Variants in FSTL5 observed in about 807,000 individuals in gnomAD.
FSTL5 encodes the protein follistatin-related protein 5.
Under a neutral mutation model 89.1 loss-of-function variants are expected in FSTL5, and 62 were observed. That is an observed-to-expected ratio of 0.70 (90% CI 0.57 to 0.86). The LOEUF (loss-of-function observed/expected upper bound fraction) is 0.86, where lower values mean the gene tolerates loss of function less well. FSTL5 is among the 40% of genes least tolerant of loss of function. The pLI is 0.00. For synonymous variants in FSTL5, 383 were observed against 346.2 expected (o/e 1.11, Z -1.18); for missense variants, 1,057 against 1,001.6 (o/e 1.06, Z -0.75).
At chr4:161,977,164 T>C (rs1735673640) in intron 3 of FSTL5, among the ~76,000 whole-genome samples, 1 of 152,218 alleles carries the variant, frequency 6.6e-6, no homozygotes, top group African/African-American at 2.4e-5. Context: ...CAAAATGTTA[T>C]AATTGCTGCA....
intron 1 of FSTL5, among the ~76,000 whole-genome samples, chr4:162,145,459 A>G (rs2111495457): frequency 6.6e-6 from 1 of 152,222 alleles, no homozygotes; most frequent in South Asian, 2.1e-4. Flanking sequence ...TCAGGGACCT[A>G]AAAGTGTATT....
intron 6 of FSTL5, among the ~76,000 whole-genome samples, chr4:161,744,227 C>T (rs1037236241): frequency 1.3e-5 from 2 of 152,008 alleles, no homozygotes; most frequent in Non-Finnish European, 2.9e-5. Context: ...GTAACATTCT[C>T]TGAGGCTCCC....
At chr4:161,605,426 TA>T (rs537359886) in intron 7 of FSTL5, among the ~76,000 whole-genome samples, 1 of 152,100 alleles carries the variant, frequency 6.6e-6, no homozygotes, top group Non-Finnish European at 1.5e-5. Flanking sequence ...ACATGTTTGT[TA>T]AAAAAAATTG....
At chr4:162,074,010 A>T (rs1402439454) in intron 2 of FSTL5, among the ~76,000 whole-genome samples, 1 of 151,796 alleles carries the variant, frequency 6.6e-6, no homozygotes, top group African/African-American at 2.4e-5. Context: ...TCCACTGTTC[A>T]TAAAAACTCT....
chr4:161,524,784 C>T (rs1156282996), intron 10 of FSTL5, among the ~76,000 whole-genome samples: 1 of 151,954 alleles, frequency 6.6e-6, no homozygotes, highest in Non-Finnish European at 1.5e-5. Flanking sequence ...ATGGTGAAAC[C>T]TTGTCTCTAC....
At chr4:161,505,182 A>G (rs965206221) in intron 11 of FSTL5, among the ~76,000 whole-genome samples, 1 of 152,186 alleles carries the variant, frequency 6.6e-6, no homozygotes, top group Non-Finnish European at 1.5e-5. Context: ...ATAAAGAATA[A>G]TATAGGCAAG....
At chr4:162,013,163 C>A (rs966614980) in intron 3 of FSTL5, among the ~76,000 whole-genome samples, 1 of 150,630 alleles carries the variant, frequency 6.6e-6, no homozygotes, top group African/African-American at 2.5e-5. Context: ...CCAGCCTGGG[C>A]GACACTGAAA....
chr4:161,565,436 C>T (rs1732763294), intron 8 of FSTL5, among the ~76,000 whole-genome samples: 1 of 151,488 alleles, frequency 6.6e-6, no homozygotes, highest in Non-Finnish European at 1.5e-5. Context: ...GGAAAAAATG[C>T]TAGTTGCATT....
At chr4:161,897,455 G>C (rs1259235452) in intron 4 of FSTL5, among the ~76,000 whole-genome samples, 1 of 150,972 alleles carries the variant, frequency 6.6e-6, no homozygotes, top group Non-Finnish European at 1.5e-5. Context: ...AGAAAAATAT[G>C]AGCAGATCAC....
intron 13 of FSTL5, among the ~76,000 whole-genome samples, chr4:161,467,739 T>C (rs533162865): frequency 6.6e-6 from 1 of 152,130 alleles, no homozygotes; most frequent in Non-Finnish European, 1.5e-5. Context: ...AAGGGTGTGT[T>C]ATTTCACCCA....
At chr4:161,732,391 A>G (rs1728060379) in intron 6 of FSTL5, among the ~76,000 whole-genome samples, 1 of 151,966 alleles carries the variant, frequency 6.6e-6, no homozygotes, top group African/African-American at 2.4e-5. Context: ...TCTTTTTTAA[A>G]TGAAGTATTT....
In FSTL5 at chr4:161,674,322, A is replaced by AG. The variant is rs200034336; in HGVS notation, c.728-17829dup. Among the ~76,000 whole-genome samples, 904 of 152,130 alleles carry AG rather than the reference A, an allele frequency of 5.9e-3. 8 individuals carry two copies. Among genetic ancestry groups the AG allele is most frequent in the South Asian group, 0.045 (217 of 4,822 alleles). On this transcript the variant is annotated intron_variant, in intron 6 of 15. Transcript: ENST00000306100. ...GCCTAAATGGGAAAGAATAGAAATGAGGGGGAAAAAAAGGGAAGATTTGAT... is the reference window on the plus strand; with the variant it reads ...GCCTAAATGGGAAAGAATAGAAATGAGGGGGGAAAAAAAGGGAAGATTTGAT...
chr4:161,873,517 C>CTTCCACCCTCCCTCCA (rs1732342130), intron 4 of FSTL5, among the ~76,000 whole-genome samples: 1 of 147,662 alleles, frequency 6.8e-6, no homozygotes, highest in Non-Finnish European at 1.5e-5. Flanking sequence ...TCCTTCCTTC[C>CTTCCACCCTCCCTCCA]TCCCACCCTC....
chr4:161,957,657 A>G (rs568334621), intron 3 of FSTL5, among the ~76,000 whole-genome samples: 3 of 152,254 alleles, frequency 2.0e-5, no homozygotes, highest in Admixed American at 1.3e-4. Context: ...CTTTTCCATT[A>G]AATATCGTAT....
chr4:161,396,175 G>A (rs1730988358), intron 15 of FSTL5, among the ~76,000 whole-genome samples: 1 of 151,236 alleles, frequency 6.6e-6, no homozygotes, highest in South Asian at 2.1e-4. Flanking sequence ...CCCTAGCTGA[G>A]CTCAGCCATC....
In FSTL5 at chr4:161,920,511, C is replaced by T. The variant is rs1433914724; in HGVS notation, c.302G>A (p.Cys101Tyr). ...DLCKRHYKPVCGSDGEFYENH... is the reference protein window; with the variant it reads ...DLCKRHYKPVYGSDGEFYENH... ...TTCATAGAATTCTCCGTCAGATCCA[C>T]ACACAGGTTTGTAGTGACGTTTGCA... Residue 101 changes from cysteine to tyrosine, a missense_variant, in exon 4 of 16, where the codon TGT becomes TAT. Physicochemically the swap from Cys to Tyr is radical, Grantham distance 194. Coordinates refer to ENST00000306100, the MANE Select transcript of FSTL5 (RefSeq NM_020116.5). The T allele has an allele frequency of 6.2e-7, 1 of 1,614,024 alleles. No individual in the cohort carries two copies.
At chr4:161,792,870 T>C (rs535247442) in intron 4 of FSTL5, among the ~76,000 whole-genome samples, 65 of 152,306 alleles carry the variant, frequency 4.3e-4, no homozygotes, top group African/African-American at 1.5e-3. Context: ...TTAAAAGAGC[T>C]GTAACACAAA....
intron 6 of FSTL5, among the ~76,000 whole-genome samples, chr4:161,754,898 A>G (rs189173317): frequency 6.6e-6 from 1 of 152,260 alleles, no homozygotes; most frequent in Admixed American, 6.5e-5. Flanking sequence ...GAATTGGAAG[A>G]CAATGAAATA....
At chr4:161,466,290 G>A (rs1331213168) in intron 13 of FSTL5, among the ~76,000 whole-genome samples, 4 of 151,874 alleles carry the variant, frequency 2.6e-5, no homozygotes, top group Admixed American at 1.3e-4. Flanking sequence ...TTCTTGAGGG[G>A]GTGCATATAC....
Sources: gnomAD v4.1 joint callset for allele counts (sites outside exome capture counted in the v4.1 genomes callset) on GRCh38, gnomAD v4.1.1 for gene constraint, MANE v1.5 for transcripts, NCBI Gene and HGNC (gene_info 2026-07-23, HGNC 2026-07-21) for gene names.